Variants in CAPSL observed in about 807,000 individuals in gnomAD.
CAPSL encodes the protein calcyphosine like, also known as calcyphosin-like protein.
A neutral mutation model predicts 21.3 loss-of-function variants in CAPSL; 17 were observed. The ratio of observed to expected loss-of-function variants is 0.80; its 90% CI spans 0.55 to 1.20. The LOEUF (loss-of-function observed/expected upper bound fraction) is 1.20, where lower values mean the gene tolerates loss of function less well. CAPSL is among the 50% of genes most tolerant of loss of function. The probability of loss-of-function intolerance (pLI) is 0.00; values close to 1 mark genes in which losing one functional copy is unlikely to be tolerated. For missense variants in CAPSL, 289 were observed against 259.3 expected (o/e 1.11, Z -0.79); for synonymous variants, 102 against 89.3 (o/e 1.14, Z -0.80).
chr5:35,934,563 G>A (rs1738897957), intron 1 of CAPSL, among the ~76,000 whole-genome samples: 1 of 152,212 alleles, frequency 6.6e-6, no homozygotes, highest in South Asian at 2.1e-4. Flanking sequence ...TCAGAGGAGA[G>A]GAGGAGATAG....
At chr5:35,937,446 C>T (rs1361868005) in intron 1 of CAPSL, among the ~76,000 whole-genome samples, 1 of 152,190 alleles carries the variant, frequency 6.6e-6, no homozygotes, top group Non-Finnish European at 1.5e-5. Flanking sequence ...ATCTCTGTGC[C>T]TTTGTACATG....
intron 4 of CAPSL, 49 bp downstream of exon 4, chr5:35,909,817 A>T: frequency 6.8e-7 from 1 of 1,467,126 alleles, no homozygotes; most frequent in Non-Finnish European, 9.3e-7. Flanking sequence ...TTTCCCATTT[A>T]CAATTTCGAA....
chr5:35,920,648 C>T (rs1170612376), intron 2 of CAPSL, among the ~76,000 whole-genome samples: 1 of 152,196 alleles, frequency 6.6e-6, no homozygotes, highest in Non-Finnish European at 1.5e-5. Flanking sequence ...CTCTTCCACC[C>T]TGGCCTTTAT....
At chr5:35,916,535 A>G (rs1738391380) in intron 2 of CAPSL, among the ~76,000 whole-genome samples, 1 of 152,202 alleles carries the variant, frequency 6.6e-6, no homozygotes, top group Non-Finnish European at 1.5e-5. Flanking sequence ...AATGGAACAG[A>G]ACAGAGCCCT....
intron 1 of CAPSL, among the ~76,000 whole-genome samples, chr5:35,930,598 T>C (rs1738796268): frequency 6.6e-6 from 1 of 152,190 alleles, no homozygotes; most frequent in Non-Finnish European, 1.5e-5. Flanking sequence ...AACACCTACC[T>C]TGCCCCACTC....
At chr5:35,919,160 T>TTAAAAAAAAA (rs139738118) in intron 2 of CAPSL, among the ~76,000 whole-genome samples, 171 of 129,148 alleles carry the variant, frequency 1.3e-3, no homozygotes, top group South Asian at 4.0e-3. Flanking sequence ...CTTTCCTGAT[T>TTAAAAAAAAA]AAAAAAAAAA....
intron 4 of CAPSL, among the ~76,000 whole-genome samples, chr5:35,909,435 G>A (rs550271305): frequency 6.6e-6 from 1 of 152,168 alleles, no homozygotes; most frequent in South Asian, 2.1e-4. Context: ...ATCCTGAAAG[G>A]CCTTGTAAAT....
intron 2 of CAPSL, among the ~76,000 whole-genome samples, chr5:35,911,960 G>A (rs922143797): frequency 1.3e-5 from 2 of 152,164 alleles, no homozygotes; most frequent in East Asian, 3.9e-4. Context: ...CCCTTTCCTA[G>A]TCAAAGAAAG....
At chr5:35,921,700 C>A (rs1265255593) in intron 1 of CAPSL, among the ~76,000 whole-genome samples, 1 of 152,186 alleles carries the variant, frequency 6.6e-6, no homozygotes, top group East Asian at 1.9e-4. Flanking sequence ...AAGGGACGTA[C>A]AAACTCTTGT....
intron 1 of CAPSL, among the ~76,000 whole-genome samples, chr5:35,930,371 C>A (rs919082811): frequency 4.6e-5 from 7 of 152,182 alleles, no homozygotes; most frequent in Non-Finnish European, 1.0e-4. Context: ...TGATATGGTA[C>A]ATTTTAAAAA....
intron 2 of CAPSL, among the ~76,000 whole-genome samples, chr5:35,918,583 C>T (rs1268894681): frequency 6.6e-6 from 1 of 152,100 alleles, no homozygotes; most frequent in Admixed American, 6.6e-5. Flanking sequence ...GCACGTTCTG[C>T]CCATGTATCC....
intron 1 of CAPSL, among the ~76,000 whole-genome samples, chr5:35,932,892 C>T (rs894598784): frequency 6.6e-6 from 1 of 152,146 alleles, no homozygotes; most frequent in African/African-American, 2.4e-5. Context: ...TGAAGGATGC[C>T]CTCAGTGCAG....
At chr5:35,914,726 T>G (rs1201482933) in intron 2 of CAPSL, among the ~76,000 whole-genome samples, 4 of 151,828 alleles carry the variant, frequency 2.6e-5, no homozygotes, top group African/African-American at 9.7e-5. Flanking sequence ...AGAGGGAAAT[T>G]TATAGCACTA....
chr5:35,911,844 G>T (rs1738231661), intron 2 of CAPSL, among the ~76,000 whole-genome samples: 1 of 152,174 alleles, frequency 6.6e-6, no homozygotes, highest in East Asian at 1.9e-4. Context: ...AAGGTACCAG[G>T]TTCATCTTAC....
At chr5:35,929,800 T>C (rs897712302) in intron 1 of CAPSL, among the ~76,000 whole-genome samples, 1 of 152,106 alleles carries the variant, frequency 6.6e-6, no homozygotes, top group Non-Finnish European at 1.5e-5. Flanking sequence ...CCACTCACAG[T>C]CCCTAAACAT....
At chr5:35,932,320 A>G (rs1738844015) in intron 1 of CAPSL, among the ~76,000 whole-genome samples, 1 of 152,174 alleles carries the variant, frequency 6.6e-6, no homozygotes, top group Non-Finnish European at 1.5e-5. Context: ...GTAGTCATCA[A>G]TGTTTCCAGA....
intron 1 of CAPSL, among the ~76,000 whole-genome samples, chr5:35,936,765 T>TA (rs1738956992): frequency 6.6e-6 from 1 of 152,228 alleles, no homozygotes; most frequent in Admixed American, 6.5e-5. Context: ...CTCTTCTCAC[T>TA]ATTCCACTAT....
chr5:35,935,714 C>T (rs1178264519), intron 1 of CAPSL, among the ~76,000 whole-genome samples: 1 of 151,832 alleles, frequency 6.6e-6, no homozygotes, highest in Non-Finnish European at 1.5e-5. Context: ...CTTATGGTAC[C>T]TCCAGACTTT....
intron 4 of CAPSL, among the ~76,000 whole-genome samples, chr5:35,906,315 A>C (rs1254396115): frequency 1.3e-5 from 2 of 152,168 alleles, no homozygotes; most frequent in Non-Finnish European, 2.9e-5. Flanking sequence ...TCTCCCACAG[A>C]AGTTGAAAAA....
Sources: gnomAD v4.1 joint callset for allele counts (sites outside exome capture counted in the v4.1 genomes callset) on GRCh38, gnomAD v4.1.1 for gene constraint, MANE v1.5 for transcripts, NCBI Gene and HGNC (gene_info 2026-07-23, HGNC 2026-07-21) for gene names.